KREMEN2: variants seen among roughly 807,000 people sequenced by gnomAD.
KREMEN2 encodes kremen protein 2.
A neutral mutation model predicts 49.8 loss-of-function variants in KREMEN2; 43 were observed. The observed-to-expected ratio is 0.86, with a 90% confidence interval of 0.68 to 1.11. The LOEUF (loss-of-function observed/expected upper bound fraction) is 1.11, where lower values mean the gene tolerates loss of function less well. Among genes scored for constraint, KREMEN2 ranks in the 50% most tolerant of loss-of-function variants. KREMEN2 has a pLI of 0.00. For missense variants in KREMEN2, 686 were observed against 665.7 expected (o/e 1.03, Z -0.34); for synonymous variants, 355 against 304.9 (o/e 1.16, Z -1.71).
chr16:2,967,736 G>T (rs1281059553), intron 8 of KREMEN2, 74 bp from the exon 9 acceptor site: 1 of 1,545,702 alleles, frequency 6.5e-7, no homozygotes, highest in South Asian at 1.2e-5. Flanking sequence ...ACAGGATCGC[G>T]CGCGGGATCG....
In KREMEN2 at chr16:2,967,918, C is replaced by G; in HGVS notation, c.1287C>G (p.Pro429=). ...WYQQPRGVAL[P]CSPGDPQAEG... is the part of the protein sequence containing the mutation. The stretch of plus-strand genomic sequence containing the variant: ...AACAGCCCCGAGGGGTGGCCTTGCC[C>G]TGCTCCCCCGGGGACCCCCAGGCTG... Residue 429 remains proline (P), a synonymous_variant, in exon 9 of 9, where the codon CCC becomes CCG. Transcript: ENST00000303746. 6.4e-7 allele frequency: 1 copy of G among 1,571,318 alleles called. No individual in the cohort carries two copies.
chr16:2,966,892 T>A lies in KREMEN2; in HGVS notation c.641-18T>A, dbSNP rs766295525. Reference sequence around the variant, plus strand: ...GTGTCCTGGTCCTCAGGATGCTGACTGCCGGCCCCGCCCGCAGTGTCGGTG... The same window carrying A: ...GTGTCCTGGTCCTCAGGATGCTGACAGCCGGCCCCGCCCGCAGTGTCGGTG... On this transcript the variant is annotated intron_variant, in intron 5 of 8. Transcript: ENST00000303746. The surrounding 1 kb of genome is among the most constrained non-coding windows in gnomAD (Gnocchi z 8.4). The A allele has an allele frequency of 2.5e-5, 38 of 1,542,376 alleles. No individual in the cohort carries two copies. The highest frequency in any genetic ancestry group is 2.9e-5 in the Non-Finnish European group (33 of 1,142,968).
At position 2,966,779 on chromosome 16, in the gene KREMEN2, G is replaced by T. The variant is rs2151056256; in HGVS notation, c.624G>T (p.Arg208=). 2 of 1,611,276 alleles carry T rather than the reference G, an allele frequency of 1.2e-6. No homozygotes were observed. Among genetic ancestry groups the T allele is most frequent in the Non-Finnish European group, 1.7e-6 (2 of 1,179,504 alleles). The change falls in exon 5 of 9, where the codon CGG becomes CGT. Residue 208 remains arginine, a synonymous_variant. Coordinates refer to ENST00000303746, the MANE Select transcript of KREMEN2 (RefSeq NM_172229.3). The surrounding 1 kb of genome is among the most constrained non-coding windows in gnomAD (Gnocchi z 8.4). ...GACAGCTGTGTGGCGGCGATGGGCG[G>T]CTGGGCGTCTATGAAGGTGAGGAGT... The part of the protein sequence containing the change: ...HPGQLCGGDG[R]LGVYEVSVGS...
At chr16:2,965,708 T>C (rs967002645) in intron 2 of KREMEN2, among the ~76,000 whole-genome samples, 7 of 150,428 alleles carry the variant, frequency 4.7e-5, no homozygotes, top group African/African-American at 1.7e-4. Context: ...GAGGCGGAGC[T>C]TGCAGTGAGC....
chr16:2,965,956 C>T (rs1371184734), intron 2 of KREMEN2, among the ~76,000 whole-genome samples, 184 bp from the exon 3 acceptor site: 1 of 152,240 alleles, frequency 6.6e-6, no homozygotes, highest in South Asian at 2.1e-4. Context: ...AAGTCGACGT[C>T]CAGTTCCTTC....
chr16:2,967,952 G>T lies in KREMEN2; in HGVS notation c.1321G>T (p.Ala441Ser), dbSNP rs779963648. 10 of 1,585,864 alleles carry T rather than the reference G, an allele frequency of 6.3e-6. No homozygotes were observed. The highest frequency in any genetic ancestry group is 1.8e-4 in the Middle Eastern group (1 of 5,640). ...SPGDPQAEGSAAGYRPLSASS... is the reference protein window; with the variant it reads ...SPGDPQAEGSSAGYRPLSASS... ...CGGGGACCCCCAGGCTGAGGGTTCTGCCGCGGGCTACCGGCCTCTGAGTGC... is the reference window on the plus strand; with the variant it reads ...CGGGGACCCCCAGGCTGAGGGTTCTTCCGCGGGCTACCGGCCTCTGAGTGC... The change falls in exon 9 of 9, where the codon GCC becomes TCC. Residue 441 changes from alanine to serine, a missense_variant. Transcript: ENST00000303746.
Position 2,966,042 on chromosome 16 carries a change from G to C in KREMEN2, c.270-98G>C, listed in dbSNP as rs933076850. On this transcript the variant is annotated intron_variant, in intron 2 of 8. Transcript: ENST00000303746. The surrounding 1 kb of genome is among the most constrained non-coding windows in gnomAD (Gnocchi z 8.4). ...GGCAGCACAGCCGCTCACAGGCACAGAGCCTTGAAGGCCACTTTGAGCATA... is the reference window on the plus strand; with the variant it reads ...GGCAGCACAGCCGCTCACAGGCACACAGCCTTGAAGGCCACTTTGAGCATA... The C allele has an allele frequency of 1.0e-5, 11 of 1,056,644 alleles. No homozygotes were observed. Among genetic ancestry groups the C allele is most frequent in the Non-Finnish European group, 1.3e-5 (9 of 692,524 alleles). The allele number at this position is 1,056,644 out of a possible 1,614,324, so 65.5% of individuals were successfully genotyped here. A position where few individuals can be genotyped will look rare whatever the true frequency, so the allele number is the denominator to read the frequency against.
Position 2,967,896 on chromosome 16 carries a change from A to G in KREMEN2, c.1265A>G (p.Gln422Arg). Residue 422 changes from glutamine (Q) to arginine (R), a missense_variant, in exon 9 of 9, where the codon CAG becomes CGG. Transcript: ENST00000303746. ...PRRSWAVWYQ[Q>R]PRGVALPCSP... ...AGAAGCTGGGCTGTGTGGTACCAACAGCCCCGAGGGGTGGCCTTGCCCTGC... is the reference window on the plus strand; with the variant it reads ...AGAAGCTGGGCTGTGTGGTACCAACGGCCCCGAGGGGTGGCCTTGCCCTGC... 1 of 1,560,302 alleles carries G rather than the reference A, an allele frequency of 6.4e-7. No individual in the cohort carries two copies. Among genetic ancestry groups the G allele is most frequent in the Non-Finnish European group, 8.7e-7 (1 of 1,153,078 alleles).
chr16:2,964,405 C>T lies in KREMEN2; in HGVS notation c.-116C>T, dbSNP rs930472732. 39 of 702,702 alleles carry T rather than the reference C, an allele frequency of 5.6e-5. No homozygotes were observed. The African/African-American group carries it at 6.4e-4, about 11-fold the overall frequency. 43.5% of individuals were successfully genotyped at this position (702,702 alleles called of 1,614,324 possible). A position where few individuals can be genotyped will look rare whatever the true frequency, so the allele number is the denominator to read the frequency against. ...ACGGAAAGCGCGGCTCAGAGTCGGA[C>T]GAGGGGAGACTGTCAGAGGACAACG... On this transcript the variant is annotated 5_prime_UTR_variant, in exon 1 of 9. In the 5' UTR this introduces an upstream ATG that the reference lacks. Transcript: ENST00000303746.
chr16:2,966,062 A>G lies in KREMEN2; in HGVS notation c.270-78A>G. ...GCACAGAGCCTTGAAGGCCACTTTGAGCATAGGCTGCGGGGCCGGGCCTGG... is the reference window on the plus strand; with the variant it reads ...GCACAGAGCCTTGAAGGCCACTTTGGGCATAGGCTGCGGGGCCGGGCCTGG... On this transcript the variant is annotated intron_variant, in intron 2 of 8. Transcript: ENST00000303746. This position sits in a 1 kb window ranked among gnomAD's most constrained non-coding sequence, Gnocchi z 8.4. 7.6e-7 allele frequency: 1 copy of G among 1,309,744 alleles called. No individual in the cohort carries two copies. The highest frequency in any genetic ancestry group is 1.2e-5 in the South Asian group (1 of 82,430). The allele number at this position is 1,309,744 out of a possible 1,614,324, so 81.1% of individuals were successfully genotyped here.
At position 2,965,059 on chromosome 16, in the gene KREMEN2, G is replaced by A. The variant is rs73482249; in HGVS notation, c.269+26G>A. 23,045 of 1,490,070 alleles carry A rather than the reference G, an allele frequency of 0.015. 2,960 individuals carry two copies. The African/African-American group carries it at 0.29, about 18-fold the overall frequency. 92.3% of individuals were successfully genotyped at this position (1,490,070 alleles called of 1,614,324 possible). A position where few individuals can be genotyped will look rare whatever the true frequency, so the allele number is the denominator to read the frequency against. On this transcript the variant is annotated intron_variant, in intron 2 of 8. Coordinates refer to ENST00000303746, the MANE Select transcript of KREMEN2 (RefSeq NM_172229.3). Reference sequence around the variant, plus strand: ...GTGAGGGGCGGGGCCTGCGCTGGGGGCGAGGCTGGGCTCACCATTGCAGGG... The same window carrying A: ...GTGAGGGGCGGGGCCTGCGCTGGGGACGAGGCTGGGCTCACCATTGCAGGG...
chr16:2,966,742 T>G lies in KREMEN2; in HGVS notation c.587T>G (p.Phe196Cys). Residue 196 changes from phenylalanine to cysteine, a missense_variant, in exon 5 of 9, where the codon TTC becomes TGC. Phe to Cys is a radical substitution (Grantham distance 205, BLOSUM62 -2). Coordinates refer to ENST00000303746, the MANE Select transcript of KREMEN2 (RefSeq NM_172229.3). The surrounding 1 kb of genome is among the most constrained non-coding windows in gnomAD (Gnocchi z 8.4). ...GCCACCGACTGTGACCAGATCTGTT[T>G]CGGCCACCCTGGACAGCTGTGTGGC... ...APATDCDQICFGHPGQLCGGD... is the reference protein window; with the variant it reads ...APATDCDQICCGHPGQLCGGD... The G allele has an allele frequency of 6.2e-7, 1 of 1,612,132 alleles. No homozygotes were observed. Among genetic ancestry groups the G allele is most frequent in the Non-Finnish European group, 8.5e-7 (1 of 1,179,862 alleles).
Position 2,966,648 on chromosome 16 carries a change from G to T in KREMEN2, c.493G>T (p.Gly165Cys). 6.2e-7 allele frequency: 1 copy of T among 1,609,680 alleles called. No individual in the cohort carries two copies. ...ACCCAGTCTGTGCTCCCAGCTGGCGGGCGTGGAGGCCGGTTACGCCTGCTT... is the reference window on the plus strand; with the variant it reads ...ACCCAGTCTGTGCTCCCAGCTGGCGTGCGTGGAGGCCGGTTACGCCTGCTT... ...FCRMKGYQLA[G>C]VEAGYACFCG... Residue 165 changes from glycine to cysteine, a missense_variant, in exon 5 of 9, where the codon GGC becomes TGC. Physicochemically the swap from Gly to Cys is radical, Grantham distance 159. Transcript: ENST00000303746. The surrounding 1 kb of genome is among the most constrained non-coding windows in gnomAD (Gnocchi z 8.4).
chr16:2,966,887 C>A lies in KREMEN2; in HGVS notation c.641-23C>A. 1 of 1,543,844 alleles carries A rather than the reference C, an allele frequency of 6.5e-7. No individual in the cohort carries two copies. ...CCGCCGTGTCCTGGTCCTCAGGATG[C>A]TGACTGCCGGCCCCGCCCGCAGTGT... On this transcript the variant is annotated intron_variant, in intron 5 of 8. Transcript: ENST00000303746. The surrounding 1 kb of genome is among the most constrained non-coding windows in gnomAD (Gnocchi z 8.4).
chr16:2,966,287 G>A lies in KREMEN2; in HGVS notation c.362-38G>A. ...CGCTGCTGCATCTGGGAGGAGGGTT[G>A]TTTTCGGAGTCACGGAAGTCTGACT... On this transcript the variant is annotated intron_variant, in intron 3 of 8. Coordinates refer to ENST00000303746, the MANE Select transcript of KREMEN2 (RefSeq NM_172229.3). This position sits in a 1 kb window ranked among gnomAD's most constrained non-coding sequence, Gnocchi z 8.4. 15 of 1,613,152 alleles carry A rather than the reference G, an allele frequency of 9.3e-6. No homozygotes were observed. Among genetic ancestry groups the A allele is most frequent in the Non-Finnish European group, 1.3e-5 (15 of 1,179,924 alleles).
In KREMEN2 at chr16:2,967,661, C is replaced by T. The variant is rs1349629319; in HGVS notation, c.1178+57C>T. ...GACCGGTGGTGGGGAGCTGGAGCCC[C>T]AGAAGGGAACAGAGCTAGGAAGGAA... On this transcript the variant is annotated intron_variant, in intron 8 of 8. Transcript: ENST00000303746. 2.6e-6 allele frequency: 4 copies of T among 1,540,158 alleles called. No individual in the cohort carries two copies. The South Asian group carries it at 4.8e-5, about 18-fold the overall frequency.
rs937818949 is a variant in KREMEN2 at position 2,966,613 on chromosome 16, C to T, written c.487-29C>T. 6.2e-7 allele frequency: 1 copy of T among 1,603,228 alleles called. No homozygotes were observed. The highest frequency in any genetic ancestry group is 8.5e-7 in the Non-Finnish European group (1 of 1,178,322). ...CACTTCACCCCTACCCCAGCCCCTG[C>T]CCTGGGGTCACCCAGTCTGTGCTCC... On this transcript the variant is annotated intron_variant, in intron 4 of 8. Transcript: ENST00000303746. The surrounding 1 kb of genome is among the most constrained non-coding windows in gnomAD (Gnocchi z 8.4).
Position 2,966,680 on chromosome 16 carries a change from C to T in KREMEN2, c.525C>T (p.Gly175=), listed in dbSNP as rs770823635. The part of the protein sequence containing the change: ...GVEAGYACFC[G]SESDLARGRL... Reference sequence around the variant, plus strand: ...AGGCCGGTTACGCCTGCTTCTGTGGCTCTGAAAGCGACCTGGCCCGGGGAC... The same window carrying T: ...AGGCCGGTTACGCCTGCTTCTGTGGTTCTGAAAGCGACCTGGCCCGGGGAC... The change falls in exon 5 of 9, where the codon GGC becomes GGT. Residue 175 remains glycine, a synonymous_variant. Transcript: ENST00000303746. The surrounding 1 kb of genome is among the most constrained non-coding windows in gnomAD (Gnocchi z 8.4). 1 of 1,611,334 alleles carries T rather than the reference C, an allele frequency of 6.2e-7. No individual in the cohort carries two copies. The highest frequency in any genetic ancestry group is 2.2e-5 in the East Asian group (1 of 44,868).
Position 2,967,506 on chromosome 16 carries a change from C to A in KREMEN2, c.1100-20C>A. Reference sequence around the variant, plus strand: ...AGCCGCCCCCTCGCGCCCATCCTCACCGCAGCCGTGTGCCCGCAGCCCGGG... The same window carrying A: ...AGCCGCCCCCTCGCGCCCATCCTCAACGCAGCCGTGTGCCCGCAGCCCGGG... On this transcript the variant is annotated intron_variant, in intron 7 of 8. Transcript: ENST00000303746. The A allele has an allele frequency of 6.5e-7, 1 of 1,526,964 alleles. No homozygotes were observed. The highest frequency in any genetic ancestry group is 8.7e-7 in the Non-Finnish European group (1 of 1,143,506). The allele number at this position is 1,526,964 out of a possible 1,614,324, so 94.6% of individuals were successfully genotyped here.
Sources: gnomAD v4.1 joint callset for allele counts (sites outside exome capture counted in the v4.1 genomes callset) on GRCh38, gnomAD v4.1.1 for gene constraint, Gnocchi (gnomAD v3.1) non-coding constraint, MANE v1.5 for transcripts, NCBI Gene and HGNC (gene_info 2026-07-23, HGNC 2026-07-21) for gene names.